AKR1C3: variants seen among roughly 807,000 people sequenced by gnomAD.
The protein encoded by AKR1C3 is aldo-keto reductase family 1 member C3, also known as 3-alpha hydroxysteroid dehydrogenase, type II.
In AKR1C3, 48 loss-of-function variants were observed where a neutral mutation model predicts 43.6. The ratio of observed to expected loss-of-function variants is 1.10; its 90% CI spans 0.87 to 1.40. The LOEUF is 1.40. Ranked by LOEUF, AKR1C3 falls within the 40% of genes most tolerant of loss-of-function variation. AKR1C3 has a pLI of 0.00. For missense variants in AKR1C3, 482 were observed against 391.2 expected, an observed-to-expected ratio of 1.23 and a Z score of -1.96; for synonymous variants, 162 against 139.6, an observed-to-expected ratio of 1.16 and a Z score of -1.13.
intron 1 of AKR1C3, among the ~76,000 whole-genome samples, chr10:5,076,384 A>C (rs1168639458): frequency 1.3e-5 from 2 of 149,736 alleles, no homozygotes; most frequent in African/African-American, 5.0e-5. Context: ...TCCTGATAAA[A>C]AGTTGAGTTT....
intron 5 of AKR1C3, 100 bp downstream of exon 5, chr10:5,099,549 G>C: frequency 6.4e-7 from 1 of 1,568,982 alleles, no homozygotes; most frequent in East Asian, 2.2e-5. Context: ...TCTTTGTGAA[G>C]TAGAAGATTA....
At position 5,068,509 on chromosome 10, in the gene AKR1C3, CA is replaced by C. The variant is rs74260861; in HGVS notation, c.84+19630del. ...GCAAAAACCCTTTATAACCTTTTAC[CA>C]AAAAAAAAAAAAAAACACATTTTAC... On this transcript the variant is annotated intron_variant, in intron 1 of 8. Coordinates refer to the AKR1C3 transcript ENST00000439082. Among the ~76,000 whole-genome samples, 371 of 59,462 alleles carry C rather than the reference CA, an allele frequency of 6.2e-3. 3 individuals carry two copies. Among genetic ancestry groups the C allele is most frequent in the African/African-American group, 8.7e-3 (120 of 13,852 alleles). 39.0% of individuals were successfully genotyped at this position (59,462 alleles called of 152,430 possible).
intron 5 of AKR1C3, 107 bp from the exon 6 acceptor site, chr10:5,101,994 A>G: frequency 1.4e-6 from 1 of 693,646 alleles, no homozygotes; most frequent in South Asian, 1.9e-5. Context: ...CCTCAGCTCA[A>G]ATATAATGCT....
chr10:5,106,076 T>C (rs1182699291), intron 8 of AKR1C3, among the ~76,000 whole-genome samples: 1 of 152,204 alleles, frequency 6.6e-6, no homozygotes, highest in Non-Finnish European at 1.5e-5. Flanking sequence ...TCAAAAACAT[T>C]TCCATCAACT....
rs111259053 is a variant in AKR1C3 at position 5,056,606 on chromosome 10, G to A, written c.84+7711G>A. 2.8e-3 allele frequency among the ~76,000 whole-genome samples: 426 copies of A among 152,234 alleles called. 5 individuals are homozygous for A. The highest frequency in any genetic ancestry group is 9.0e-3 in the African/African-American group (374 of 41,532). ...TTGCCTTTGATAAGGAAAAGTGGTG[G>A]GATCCTTTAACCTGATTTGGACTGA... On this transcript the variant is annotated intron_variant, in intron 1 of 8. Coordinates refer to the AKR1C3 transcript ENST00000439082.
chr10:5,084,209 A>T (rs1373194574), intron 1 of AKR1C3, among the ~76,000 whole-genome samples: 2 of 152,086 alleles, frequency 1.3e-5, no homozygotes, highest in Admixed American at 1.3e-4. Context: ...TTATGGCTTT[A>T]GGTCTACATG....
upstream of AKR1C3, among the ~76,000 whole-genome samples, chr10:5,091,650 T>A (rs1442660739): frequency 6.6e-6 from 1 of 152,158 alleles, no homozygotes; most frequent in African/African-American, 2.4e-5. Context: ...GTTATAAAAA[T>A]CTACTTTGAA....
At chr10:5,058,617 T>C (rs927937023) in intron 1 of AKR1C3, among the ~76,000 whole-genome samples, 2 of 152,106 alleles carry the variant, frequency 1.3e-5, no homozygotes, top group Non-Finnish European at 1.5e-5. Flanking sequence ...AGAATACCTG[T>C]GCTCACCAAC....
At chr10:5,101,713 G>A (rs1839354739) in intron 5 of AKR1C3, among the ~76,000 whole-genome samples, 1 of 152,026 alleles carries the variant, frequency 6.6e-6, no homozygotes, top group Non-Finnish European at 1.5e-5. Context: ...ACATTTCTTT[G>A]AAAGTAGTGC....
intron 5 of AKR1C3, among the ~76,000 whole-genome samples, chr10:5,100,208 C>T (rs972380853): frequency 1.1e-4 from 17 of 152,282 alleles, no homozygotes; most frequent in Admixed American, 5.2e-4. Flanking sequence ...GCAGGAGAAT[C>T]GCTTGAACCC....
intron 1 of AKR1C3, among the ~76,000 whole-genome samples, chr10:5,068,566 T>C (rs1482080795): frequency 6.6e-6 from 1 of 152,150 alleles, no homozygotes; most frequent in Non-Finnish European, 1.5e-5. Context: ...ATAAAACTGT[T>C]TCTAGTAATC....
chr10:5,099,629 T>C (rs1554785692), intron 5 of AKR1C3, 180 bp downstream of exon 5: 6 of 1,145,312 alleles, frequency 5.2e-6, no homozygotes, highest in Non-Finnish European at 7.3e-6. Flanking sequence ...GGAAAAGTAT[T>C]AGGGAAAAAT....
intron 3 of AKR1C3, 55 bp downstream of exon 3, chr10:5,097,605 T>C: frequency 6.2e-7 from 1 of 1,610,236 alleles, no homozygotes; most frequent in Non-Finnish European, 8.5e-7. Flanking sequence ...ATAAACATTG[T>C]TTATCTGGAT....
At chr10:5,056,169 C>T (rs11817416) in intron 1 of AKR1C3, among the ~76,000 whole-genome samples, 42,087 of 151,876 alleles carry the variant, frequency 0.28, 5,995 homozygotes, top group East Asian at 0.4. Flanking sequence ...TGAGAAGTGG[C>T]CTAGATCTTG....
rs1038915641 is a variant in AKR1C3 at position 5,087,720 on chromosome 10, T to C, written c.85-8690T>C. Among the ~76,000 whole-genome samples the C allele has an allele frequency of 2.0e-5, 3 of 152,076 alleles. No homozygotes were observed. In the South Asian group the frequency reaches 6.2e-4, roughly 31 times the overall value. ...GTATTTTTTTGAATATTCTTTTTTT[T>C]TCTTTGTTAGCTAGCTGACTATCAA... is the stretch of plus-strand genomic sequence containing the variant. On this transcript the variant is annotated intron_variant, in intron 1 of 8. Transcript: ENST00000439082.
upstream of AKR1C3, among the ~76,000 whole-genome samples, chr10:5,093,010 T>C (rs782107408): frequency 5.3e-5 from 8 of 152,094 alleles, no homozygotes; most frequent in Non-Finnish European, 8.8e-5. Flanking sequence ...CCTAAGGCCT[T>C]GTCAGCAATT....
intron 1 of AKR1C3, among the ~76,000 whole-genome samples, chr10:5,077,226 G>A (rs1838735256): frequency 6.6e-6 from 1 of 152,086 alleles, no homozygotes; most frequent in African/African-American, 2.4e-5. Flanking sequence ...GACCAAAGGG[G>A]CCCTGTATCC....
intron 1 of AKR1C3, among the ~76,000 whole-genome samples, chr10:5,051,270 A>AT (rs1423023316): frequency 1.3e-5 from 2 of 151,858 alleles, no homozygotes; most frequent in Non-Finnish European, 2.9e-5. Flanking sequence ...TAATTTTTGT[A>AT]TTTTTTAGTA....
upstream of AKR1C3, among the ~76,000 whole-genome samples, chr10:5,092,159 A>G (rs1039823611): frequency 2.6e-5 from 4 of 152,120 alleles, no homozygotes; most frequent in African/African-American, 9.7e-5. Flanking sequence ...ATCATCTTGA[A>G]CAGAATTTAT....
Sources: gnomAD v4.1 joint callset for allele counts (sites outside exome capture counted in the v4.1 genomes callset) on GRCh38, gnomAD v4.1.1 for gene constraint, MANE v1.5 for transcripts, NCBI Gene and HGNC (gene_info 2026-07-23, HGNC 2026-07-21) for gene names.